ZNF224: variants seen among roughly 807,000 people sequenced by gnomAD.
ZNF224 encodes the protein bone marrow zinc finger 2.
ZNF224 carries 8 observed loss-of-function variants against 10.5 expected under a neutral mutation model. That is an observed-to-expected ratio of 0.76 (90% CI 0.45 to 1.37). The LOEUF is 1.37. Among genes scored for constraint, ZNF224 ranks in the 40% most tolerant of loss-of-function variants. The pLI is 0.00. For synonymous variants in ZNF224, 282 were observed against 287.8 expected (o/e 0.98, Z 0.20); for missense variants, 754 against 854.0 (o/e 0.88, Z 1.46).
rs375784428 is a variant in ZNF224 at position 44,106,691 on chromosome 19, G to A, written c.531G>A (p.Thr177=). The change falls in exon 6 of 6, where the codon ACG becomes ACA. Residue 177 remains threonine (T), a synonymous_variant. Transcript: ENST00000693561. ...TACACTCAGGAGAGAAATCTCATACGTGTGATGAGTGTGGAAAGAACTTTT... is the reference window on the plus strand; with the variant it reads ...TACACTCAGGAGAGAAATCTCATACATGTGATGAGTGTGGAAAGAACTTTT... The part of the protein sequence containing the change: ...QQLHSGEKSH[T]CDECGKNFCY... The A allele has an allele frequency of 1.6e-5, 25 of 1,602,032 alleles. No individual in the cohort carries two copies. The highest frequency in any genetic ancestry group is 4.5e-5 in the South Asian group (4 of 88,720).
intron 3 of ZNF224, among the ~76,000 whole-genome samples, chr19:44,099,211 G>A (rs1967499975): frequency 6.6e-6 from 1 of 152,068 alleles, no homozygotes; most frequent in Non-Finnish European, 1.5e-5. Flanking sequence ...TTGGGAGGGG[G>A]GCATCTTCTC....
rs1289134184 is a variant in ZNF224 at position 44,109,585 on chromosome 19, T to G, written c.*1301T>G. ...ACTGTTTGATATGAAAACCATAGGA[T>G]AGGAAACTATGCCTATGACACTAAA... On this transcript the variant is annotated 3_prime_UTR_variant, in exon 6 of 6. Transcript: ENST00000693561. 1 of 152,170 alleles carries G rather than the reference T, an allele frequency of 6.6e-6. No homozygotes were observed. Among genetic ancestry groups the G allele is most frequent in the Non-Finnish European group, 1.5e-5 (1 of 68,040 alleles). 9.4% of individuals were successfully genotyped at this position (152,170 alleles called of 1,614,324 possible). A position where few individuals can be genotyped will look rare whatever the true frequency, so the allele number is the denominator to read the frequency against.
intron 5 of ZNF224, among the ~76,000 whole-genome samples, chr19:44,103,271 T>G (rs1025609342): frequency 1.3e-5 from 2 of 152,234 alleles, no homozygotes; most frequent in Non-Finnish European, 2.9e-5. Flanking sequence ...AATATATCCA[T>G]ATTCCAGCGT....
intron 3 of ZNF224, among the ~76,000 whole-genome samples, chr19:44,099,288 A>G (rs993443324): frequency 2.0e-5 from 3 of 152,184 alleles, no homozygotes; most frequent in Non-Finnish European, 4.4e-5. Flanking sequence ...AATTACCACA[A>G]TTGTTATAGA....
At position 44,107,956 on chromosome 19, in the gene ZNF224, A is replaced by G; in HGVS notation, c.1796A>G (p.Asp599Gly). 6.2e-7 allele frequency: 1 copy of G among 1,614,068 alleles called. No homozygotes were observed. The highest frequency in any genetic ancestry group is 1.1e-5 in the South Asian group (1 of 91,076). ...VHTGEKPYKC[D>G]ECGKGFSWSS... is the part of the protein sequence containing the mutation. ...ACTGGAGAAAAGCCATACAAATGTG[A>G]TGAGTGTGGGAAGGGCTTCAGCTGG... is the stretch of plus-strand genomic sequence containing the variant. Residue 599 changes from aspartate to glycine, a missense_variant, in exon 6 of 6, where the codon GAT becomes GGT. Transcript: ENST00000693561.
In ZNF224 at chr19:44,106,777, G is replaced by C; in HGVS notation, c.617G>C (p.Cys206Ser). Residue 206 changes from cysteine (C) to serine (S), a missense_variant, in exon 6 of 6, where the codon TGT becomes TCT. Physicochemically the swap from Cys to Ser is moderately radical, Grantham distance 112 (BLOSUM62 -1). Coordinates refer to ENST00000693561, the MANE Select transcript of ZNF224 (RefSeq NM_001321645.3). Reference protein sequence around the residue: ...RVHMGEKCYKCDVCGKEFSQS... With the variant: ...RVHMGEKCYKSDVCGKEFSQS... Reference sequence around the variant, plus strand: ...CACATGGGAGAGAAATGCTATAAGTGTGACGTGTGTGGTAAGGAATTCAGT... The same window carrying C: ...CACATGGGAGAGAAATGCTATAAGTCTGACGTGTGTGGTAAGGAATTCAGT... 6.2e-7 allele frequency: 1 copy of C among 1,613,818 alleles called. No individual in the cohort carries two copies. The highest frequency in any genetic ancestry group is 8.5e-7 in the Non-Finnish European group (1 of 1,179,802).
In ZNF224 at chr19:44,094,378, C is replaced by T. The variant is rs1007095654; in HGVS notation, c.-310C>T. ...CATTCGGTGGAGTCGCGGACACTTC[C>T]GCTCGGGGACTGAGGTTGCTGCAGT... is the stretch of plus-strand genomic sequence containing the variant. On this transcript the variant is annotated 5_prime_UTR_variant, in exon 1 of 6. Transcript: ENST00000693561. 2.0e-5 allele frequency: 3 copies of T among 152,154 alleles called. No homozygotes were observed. The highest frequency in any genetic ancestry group is 6.6e-5 in the Admixed American group (1 of 15,262). 9.4% of individuals were successfully genotyped at this position (152,154 alleles called of 1,614,324 possible).
At position 44,106,831 on chromosome 19, in the gene ZNF224, G is replaced by C. The variant is rs1324060954; in HGVS notation, c.671G>C (p.Arg224Thr). 6.2e-7 allele frequency: 1 copy of C among 1,613,824 alleles called. No individual in the cohort carries two copies. Among genetic ancestry groups the C allele is most frequent in the Non-Finnish European group, 8.5e-7 (1 of 1,179,800 alleles). ...SQSSHLQTHQ[R>T]VHTGEKPFKC... ...AGTTCACATCTGCAAACTCATCAGA[G>C]AGTCCACACTGGAGAGAAACCGTTC... The change falls in exon 6 of 6, where the codon AGA becomes ACA. Residue 224 changes from arginine to threonine, a missense_variant. Coordinates refer to ENST00000693561, the MANE Select transcript of ZNF224 (RefSeq NM_001321645.3).
intron 3 of ZNF224, among the ~76,000 whole-genome samples, chr19:44,100,572 C>T (rs1967527010): frequency 6.6e-6 from 1 of 152,164 alleles, no homozygotes; most frequent in South Asian, 2.1e-4. Context: ...TCAATGATTG[C>T]ACGAAGTAAA....
chr19:44,097,784 T>C (rs1967468973), intron 2 of ZNF224, 22 bp from the exon 3 acceptor site: 1 of 1,485,282 alleles, frequency 6.7e-7, no homozygotes, highest in African/African-American at 1.4e-5. Flanking sequence ...TCTCTTTTTC[T>C]GCCTTTCCTG....
chr19:44,094,900 GT>G (rs1240686990), intron 1 of ZNF224: 1 of 152,666 alleles, frequency 6.6e-6, no homozygotes, highest in East Asian at 1.9e-4. Context: ...GAAGGACCGG[GT>G]GGGGTCAGAG....
At chr19:44,102,099 C>A (rs553553624) in intron 5 of ZNF224, among the ~76,000 whole-genome samples, 12 of 152,314 alleles carry the variant, frequency 7.9e-5, no homozygotes, top group South Asian at 6.2e-4. Context: ...TGGATGTGGA[C>A]ATCTTTTAGG....
chr19:44,095,215 T>C (rs1599658869), intron 1 of ZNF224: 3 of 219,562 alleles, frequency 1.4e-5, no homozygotes, highest in Admixed American at 1.2e-4. Flanking sequence ...AGTGTATAGG[T>C]TGTGTCCTCG....
In ZNF224 at chr19:44,107,049, T is replaced by G; in HGVS notation, c.889T>G (p.Phe297Val). ...CAAATGTGATATATGTGGTAAGAGC[T>G]TCTGTGGTAGATCAAGACTTAATAG... is the stretch of plus-strand genomic sequence containing the variant. The part of the protein sequence containing the change: ...PFKCDICGKS[F>V]CGRSRLNRHS... The change falls in exon 6 of 6, where the codon TTC (phenylalanine) becomes GTC (valine). Residue 297 changes from phenylalanine (F) to valine (V), a missense_variant. Physicochemically the swap from Phe to Val is conservative, Grantham distance 50 (BLOSUM62 -1). Coordinates refer to ENST00000693561, the MANE Select transcript of ZNF224 (RefSeq NM_001321645.3). The G allele has an allele frequency of 6.2e-7, 1 of 1,602,586 alleles. No homozygotes were observed. The highest frequency in any genetic ancestry group is 1.7e-5 in the Admixed American group (1 of 59,394).
In ZNF224 at chr19:44,106,615, G is replaced by T; in HGVS notation, c.455G>T (p.Gly152Val). 1.2e-6 allele frequency: 2 copies of T among 1,602,530 alleles called. No individual in the cohort carries two copies. Among genetic ancestry groups the T allele is most frequent in the Non-Finnish European group, 1.7e-6 (2 of 1,173,510 alleles). ...HTRQKSSQGN[G>V]YKPSFSDVSH... ...AGACAGAAATCTTCCCAGGGCAATG[G>T]ATATAAACCATCCTTCAGTGATGTC... The change falls in exon 6 of 6, where the codon GGA (glycine) becomes GTA (valine). Residue 152 changes from glycine (G) to valine (V), a missense_variant. Coordinates refer to ENST00000693561, the MANE Select transcript of ZNF224 (RefSeq NM_001321645.3).
At chr19:44,095,067 C>A in intron 1 of ZNF224, 2 of 222,184 alleles carry the variant, frequency 9.0e-6, no homozygotes, top group South Asian at 1.5e-4. Flanking sequence ...GCGACGCGGT[C>A]AAGGTGTTTC....
rs1462091252 is a variant in ZNF224, at chr19:44,109,621, G to A, written c.*1337G>A. 6.6e-6 allele frequency: 1 copy of A among 152,104 alleles called. No homozygotes were observed. The highest frequency in any genetic ancestry group is 1.5e-5 in the Non-Finnish European group (1 of 68,002). 9.4% of individuals were successfully genotyped at this position (152,104 alleles called of 1,614,324 possible). A position where few individuals can be genotyped will look rare whatever the true frequency, so the allele number is the denominator to read the frequency against. ...GCCTATGACACTAAAACTCCAAAAAGTAGAAGACCACATTGATGATGTCAC... is the reference window on the plus strand; with the variant it reads ...GCCTATGACACTAAAACTCCAAAAAATAGAAGACCACATTGATGATGTCAC... On this transcript the variant is annotated 3_prime_UTR_variant, in exon 6 of 6. Coordinates refer to ENST00000693561, the MANE Select transcript of ZNF224 (RefSeq NM_001321645.3).
intron 2 of ZNF224, 51 bp from the exon 3 acceptor site, chr19:44,097,755 C>T: frequency 9.0e-7 from 1 of 1,115,790 alleles, no homozygotes; most frequent in Non-Finnish European, 1.3e-6. Context: ...TGGGTGGCAT[C>T]CCTGGCCACC....
Position 44,101,242 on chromosome 19 carries a change from T to C in ZNF224, c.235+17T>C. The C allele has an allele frequency of 6.8e-6, 11 of 1,608,034 alleles. No individual in the cohort carries two copies. Among genetic ancestry groups the C allele is most frequent in the Non-Finnish European group, 9.4e-6 (11 of 1,174,866 alleles). On this transcript the variant is annotated intron_variant, in intron 5 of 5. Coordinates refer to ENST00000693561, the MANE Select transcript of ZNF224 (RefSeq NM_001321645.3). Reference sequence around the variant, plus strand: ...GGAATTCAGGTAAGAATCAAGCAACTGTGAATCCCTGTATGTCTCTTCCAC... The same window carrying C: ...GGAATTCAGGTAAGAATCAAGCAACCGTGAATCCCTGTATGTCTCTTCCAC...
Sources: gnomAD v4.1 joint callset for allele counts (sites outside exome capture counted in the v4.1 genomes callset) on GRCh38, gnomAD v4.1.1 for gene constraint, MANE v1.5 for transcripts, NCBI Gene and HGNC (gene_info 2026-07-23, HGNC 2026-07-21) for gene names.